Variants in OR8H2 observed in about 807,000 individuals in gnomAD.
OR8H2 encodes the protein olfactory receptor 8H2.
For synonymous variants in OR8H2, 157 were observed against 139.2 expected (o/e 1.13, Z -0.90); for missense variants, 374 against 371.1 (o/e 1.01, Z -0.06).
chr11:56,106,168 T>G lies in OR8H2; in HGVS notation c.*187T>G. 2.1e-6 allele frequency: 1 copy of G among 466,838 alleles called. No homozygotes were observed. The highest frequency in any genetic ancestry group is 5.0e-4 in the Middle Eastern group (1 of 2,002). The allele number at this position is 466,838 out of a possible 1,614,324, so 28.9% of individuals were successfully genotyped here. A position where few individuals can be genotyped will look rare whatever the true frequency, so the allele number is the denominator to read the frequency against. The stretch of plus-strand genomic sequence containing the variant: ...CATATGTTTTTAGAAATCCAAATGG[T>G]AATTAGAAATCATAATATGTGTGTC... On this transcript the variant is annotated 3_prime_UTR_variant, in exon 2 of 2. Transcript: ENST00000313503.
In OR8H2 at chr11:56,105,279, A is replaced by C. The variant is rs775827909; in HGVS notation, c.237A>C (p.Thr79=). 1.9e-6 allele frequency: 3 copies of C among 1,614,144 alleles called. No homozygotes were observed. Among genetic ancestry groups the C allele is most frequent in the Middle Eastern group, 3.3e-4 (2 of 6,062 alleles). The change falls in exon 2 of 2, where the codon ACA becomes ACC. Residue 79 remains threonine, a synonymous_variant. Transcript: ENST00000313503. The part of the protein sequence containing the change: ...FIDLSYSTVV[T]PKTLANLLTS... Reference sequence around the variant, plus strand: ...ACCTCAGTTACTCAACTGTCGTCACACCTAAAACCTTAGCGAACTTACTGA... The same window carrying C: ...ACCTCAGTTACTCAACTGTCGTCACCCCTAAAACCTTAGCGAACTTACTGA...
At position 56,105,318 on chromosome 11, in the gene OR8H2, T is replaced by C; in HGVS notation, c.276T>C (p.Ile92=). 6.2e-7 allele frequency: 1 copy of C among 1,614,192 alleles called. No individual in the cohort carries two copies. The highest frequency in any genetic ancestry group is 8.5e-7 in the Non-Finnish European group (1 of 1,180,034). Residue 92 remains isoleucine (I), a synonymous_variant, in exon 2 of 2, where the codon ATT becomes ATC. Coordinates refer to ENST00000313503, the MANE Select transcript of OR8H2 (RefSeq NM_001386064.1). ...TLANLLTSNY[I]SFTGCFAQMF... ...CGAACTTACTGACTTCCAACTATAT[T>C]TCCTTTACGGGCTGCTTTGCCCAGA... is the stretch of plus-strand genomic sequence containing the variant.
In OR8H2 at chr11:56,105,602, T is replaced by C; in HGVS notation, c.560T>C (p.Leu187Pro). 1.9e-6 allele frequency: 3 copies of C among 1,614,202 alleles called. No homozygotes were observed. Among genetic ancestry groups the C allele is most frequent in the Non-Finnish European group, 8.5e-7 (1 of 1,180,016 alleles). ...TGTGACACTTCCCCAATTTTAGCTC[T>C]GTCCTGCACTGATACATACAACACC... ...FFCDTSPILA[L>P]SCTDTYNTEI... The change falls in exon 2 of 2, where the codon CTG (leucine) becomes CCG (proline). Residue 187 changes from leucine to proline, a missense_variant. By Grantham distance (98) the Leu-to-Pro change is moderately conservative. Coordinates refer to ENST00000313503, the MANE Select transcript of OR8H2 (RefSeq NM_001386064.1).
In OR8H2 at chr11:56,106,171, T is replaced by C; in HGVS notation, c.*190T>C. 1 of 462,884 alleles carries C rather than the reference T, an allele frequency of 2.2e-6. No homozygotes were observed. The highest frequency in any genetic ancestry group is 3.8e-6 in the Non-Finnish European group (1 of 264,594). 28.7% of individuals were successfully genotyped at this position (462,884 alleles called of 1,614,324 possible). On this transcript the variant is annotated 3_prime_UTR_variant, in exon 2 of 2. Transcript: ENST00000313503. ...ATGTTTTTAGAAATCCAAATGGTAATTAGAAATCATAATATGTGTGTCATG... is the reference window on the plus strand; with the variant it reads ...ATGTTTTTAGAAATCCAAATGGTAACTAGAAATCATAATATGTGTGTCATG...
rs145000430 is a variant in OR8H2, at chr11:56,105,959, A to C, written c.917A>C (p.Gln306Pro). Residue 306 changes from glutamine (Q) to proline (P), a missense_variant, in exon 2 of 2, where the codon CAG (glutamine) becomes CCG (proline). Coordinates refer to ENST00000313503, the MANE Select transcript of OR8H2 (RefSeq NM_001386064.1). ...EVKNAVIRVM[Q>P]RRQDSR ...AAAAATGCTGTCATCAGAGTCATGC[A>C]GAGAAGACAGGACTCCAGGTAATTA... 9 of 1,578,064 alleles carry C rather than the reference A, an allele frequency of 5.7e-6. No homozygotes were observed. The highest frequency in any genetic ancestry group is 2.2e-5 in the East Asian group (1 of 44,742).
At position 56,105,942 on chromosome 11, in the gene OR8H2, T is replaced by C; in HGVS notation, c.900T>C (p.Ala300=). The part of the protein sequence containing the change: ...YSLRNKEVKN[A]VIRVMQRRQD... ...TTAGAAACAAAGAGGTGAAAAATGC[T>C]GTCATCAGAGTCATGCAGAGAAGAC... Residue 300 remains alanine, a synonymous_variant, in exon 2 of 2, where the codon GCT becomes GCC. Coordinates refer to ENST00000313503, the MANE Select transcript of OR8H2 (RefSeq NM_001386064.1). 5.6e-6 allele frequency: 9 copies of C among 1,603,076 alleles called. No homozygotes were observed. Among genetic ancestry groups the C allele is most frequent in the Non-Finnish European group, 6.8e-6 (8 of 1,175,078 alleles).
Position 56,105,291 on chromosome 11 carries a change from A to C in OR8H2, c.249A>C (p.Leu83Phe), listed in dbSNP as rs1185247035. The change falls in exon 2 of 2, where the codon TTA becomes TTC. Residue 83 changes from leucine to phenylalanine, a missense_variant. Leu to Phe is a conservative substitution (Grantham distance 22). Transcript: ENST00000313503. The part of the protein sequence containing the change: ...SYSTVVTPKT[L>F]ANLLTSNYIS... The stretch of plus-strand genomic sequence containing the variant: ...CAACTGTCGTCACACCTAAAACCTT[A>C]GCGAACTTACTGACTTCCAACTATA... 6.2e-7 allele frequency: 1 copy of C among 1,614,178 alleles called. No individual in the cohort carries two copies. The highest frequency in any genetic ancestry group is 1.3e-5 in the African/African-American group (1 of 75,046).
rs1854071659 is a variant in OR8H2, at chr11:56,107,610, T to C, written c.*1629T>C. 6.6e-6 allele frequency: 1 copy of C among 151,842 alleles called. No homozygotes were observed. The highest frequency in any genetic ancestry group is 2.4e-5 in the African/African-American group (1 of 41,444). 9.4% of individuals were successfully genotyped at this position (151,842 alleles called of 1,614,324 possible). A position where few individuals can be genotyped will look rare whatever the true frequency, so the allele number is the denominator to read the frequency against. ...TTTACACTTTTGTAACAGTTATTAGTTTTCATTCAAGCAATACTTTTTTAA... is the reference window on the plus strand; with the variant it reads ...TTTACACTTTTGTAACAGTTATTAGCTTTCATTCAAGCAATACTTTTTTAA... On this transcript the variant is annotated 3_prime_UTR_variant, in exon 2 of 2. Transcript: ENST00000313503.
chr11:56,105,384 T>C lies in OR8H2; in HGVS notation c.342T>C (p.Leu114=). The C allele has an allele frequency of 6.2e-7, 1 of 1,614,190 alleles. No homozygotes were observed. Among genetic ancestry groups the C allele is most frequent in the Non-Finnish European group, 8.5e-7 (1 of 1,180,030 alleles). The change falls in exon 2 of 2, where the codon CTT becomes CTC. Residue 114 remains leucine (L), a synonymous_variant. Transcript: ENST00000313503. Reference sequence around the variant, plus strand: ...TCTTGGGTACTGCTGAATGTTACCTTCTCTCCTCAATGGCCCATGATCGCT... The same window carrying C: ...TCTTGGGTACTGCTGAATGTTACCTCCTCTCCTCAATGGCCCATGATCGCT... The part of the protein sequence containing the change: ...FAFLGTAECY[L]LSSMAHDRYA...
At position 56,105,173 on chromosome 11, in the gene OR8H2, T is replaced by TG. The variant is rs1354736966; in HGVS notation, c.135dup (p.Met46AspfsTer26). The TG allele has an allele frequency of 6.2e-7, 1 of 1,614,046 alleles. No individual in the cohort carries two copies. The highest frequency in any genetic ancestry group is 8.5e-7 in the Non-Finnish European group (1 of 1,180,028). On this transcript the variant is annotated frameshift_variant, in exon 2 of 2. Coordinates refer to ENST00000313503, the MANE Select transcript of OR8H2 (RefSeq NM_001386064.1). LOFTEE classifies it low-confidence loss of function (END_TRUNC). ...TACCTAATTACTATGCTGGGGAATG[T>TG]GGGGATGATATTGATAATCCGCCTG...
In OR8H2 at chr11:56,103,801, T is replaced by G. The variant is rs1854011133; in HGVS notation, c.-358T>G. 6.6e-6 allele frequency: 1 copy of G among 152,208 alleles called. No individual in the cohort carries two copies. The highest frequency in any genetic ancestry group is 1.5e-5 in the Non-Finnish European group (1 of 68,036). 9.4% of individuals were successfully genotyped at this position (152,208 alleles called of 1,614,324 possible). On this transcript the variant is annotated 5_prime_UTR_variant, in exon 1 of 2. Coordinates refer to ENST00000313503, the MANE Select transcript of OR8H2 (RefSeq NM_001386064.1). ...ACAAAATTTCTAGATTGGTTTATTT[T>G]AACTCAGAATAAAACATAATGAATA... is the stretch of plus-strand genomic sequence containing the variant.
intron 1 of OR8H2, among the ~76,000 whole-genome samples, chr11:56,104,377 C>T (rs1456175362): frequency 3.9e-5 from 6 of 151,948 alleles, no homozygotes; most frequent in Non-Finnish European, 7.4e-5. Context: ...AAAACGGTTT[C>T]CTGTCATTTT....
Position 56,105,348 on chromosome 11 carries a change from C to CT in OR8H2, c.312dup (p.Ala105CysfsTer7). 2 of 1,614,170 alleles carry CT rather than the reference C, an allele frequency of 1.2e-6. No individual in the cohort carries two copies. The highest frequency in any genetic ancestry group is 1.1e-5 in the South Asian group (1 of 91,088). ...TTACGGGCTGCTTTGCCCAGATGTTCTTTTTTGCCTTCTTGGGTACTGCTG... is the reference window on the plus strand; with the variant it reads ...TTACGGGCTGCTTTGCCCAGATGTTCTTTTTTTGCCTTCTTGGGTACTGCTG... On this transcript the variant is annotated frameshift_variant, in exon 2 of 2. Transcript: ENST00000313503. LOFTEE classifies it low-confidence loss of function (END_TRUNC).
chr11:56,107,248 G>A lies in OR8H2; in HGVS notation c.*1267G>A, dbSNP rs1306638382. 6.6e-6 allele frequency: 1 copy of A among 151,924 alleles called. No homozygotes were observed. Among genetic ancestry groups the A allele is most frequent in the African/African-American group, 2.4e-5 (1 of 41,424 alleles). 9.4% of individuals were successfully genotyped at this position (151,924 alleles called of 1,614,324 possible). A position where few individuals can be genotyped will look rare whatever the true frequency, so the allele number is the denominator to read the frequency against. On this transcript the variant is annotated 3_prime_UTR_variant, in exon 2 of 2. Coordinates refer to ENST00000313503, the MANE Select transcript of OR8H2 (RefSeq NM_001386064.1). ...TGGATTTCTGTAATGTGTCAAATGT[G>A]TCAAATTGCTTCTTTGTTAAAATCC...
At position 56,105,487 on chromosome 11, in the gene OR8H2, T is replaced by C. The variant is rs1854040685; in HGVS notation, c.445T>C (p.Tyr149His). Residue 149 changes from tyrosine to histidine, a missense_variant, in exon 2 of 2, where the codon TAT (tyrosine) becomes CAT (histidine). Tyr to His is a moderately conservative substitution (Grantham distance 83, BLOSUM62 2). Transcript: ENST00000313503. ...RLCLALITGP[Y>H]VIGFIDSFVN... ...CTGCCTCGCTCTCATCACTGGGCCT[T>C]ATGTGATTGGCTTTATAGACTCCTT... 6.2e-7 allele frequency: 1 copy of C among 1,614,074 alleles called. No individual in the cohort carries two copies. The highest frequency in any genetic ancestry group is 1.1e-5 in the South Asian group (1 of 91,088).
At position 56,105,796 on chromosome 11, in the gene OR8H2, T is replaced by C. The variant is rs1298228932; in HGVS notation, c.754T>C (p.Tyr252His). ...VSHLLGVTIF[Y>H]STLIFTYLKP... ...TCATCTCTTGGGAGTCACCATCTTT[T>C]ATAGCACTCTGATTTTTACTTATTT... The change falls in exon 2 of 2, where the codon TAT becomes CAT. Residue 252 changes from tyrosine to histidine, a missense_variant. By Grantham distance (83) the Tyr-to-His change is moderately conservative (BLOSUM62 2). Transcript: ENST00000313503. 6.2e-7 allele frequency: 1 copy of C among 1,613,912 alleles called. No homozygotes were observed. The highest frequency in any genetic ancestry group is 1.7e-5 in the Admixed American group (1 of 59,996).
At chr11:56,104,845 T>TG (rs34520564) in intron 1 of OR8H2, 27 bp from the exon 2 acceptor site, 17 of 428,688 alleles carry the variant, frequency 4.0e-5, no homozygotes, top group Non-Finnish European at 6.5e-5. Context: ...AAGTTTTTTT[T>TG]TGTTTGTTTT....
At position 56,105,058 on chromosome 11, in the gene OR8H2, A is replaced by G. The variant is rs1462433384; in HGVS notation, c.16A>G (p.Asn6Asp). 4 of 1,612,790 alleles carry G rather than the reference A, an allele frequency of 2.5e-6. No individual in the cohort carries two copies. The highest frequency in any genetic ancestry group is 8.5e-7 in the Non-Finnish European group (1 of 1,179,158). Residue 6 changes from asparagine (N) to aspartate (D), a missense_variant, in exon 2 of 2, where the codon AAT (asparagine) becomes GAT (aspartate). Transcript: ENST00000313503. ...GCAGGTGAACATGATGGGTAGAAGG[A>G]ATAACACAAATGTGGCTGACTTCAT... The part of the protein sequence containing the change: MMGRR[N>D]NTNVADFILM...
At position 56,105,893 on chromosome 11, in the gene OR8H2, T is replaced by G. The variant is rs139674390; in HGVS notation, c.851T>G (p.Val284Gly). The change falls in exon 2 of 2, where the codon GTG (valine) becomes GGG (glycine). Residue 284 changes from valine to glycine, a missense_variant. Val to Gly is a moderately radical substitution (Grantham distance 109). Transcript: ENST00000313503. ...GTTTTTTATACTATTGTGATTCCCG[T>G]GCTGAATCCACTCATTTATAGTCTT... Reference protein sequence around the residue: ...ASVFYTIVIPVLNPLIYSLRN... With the variant: ...ASVFYTIVIPGLNPLIYSLRN... 1.4e-4 allele frequency: 219 copies of G among 1,610,478 alleles called. 1 individual carries two copies. The African/African-American group carries it at 2.6e-3, about 19-fold the overall frequency.
Sources: allele counts gnomAD v4.1 joint callset (sites outside exome capture counted in the v4.1 genomes callset), GRCh38; gene constraint gnomAD v4.1.1; transcripts MANE v1.5; gene names NCBI Gene and HGNC (gene_info 2026-07-23, HGNC 2026-07-21).